The following SOX6 variants were observed in gnomAD, a reference collection of about 807,000 sequenced individuals.
The protein encoded by SOX6 is SRY-box transcription factor 6.
SOX6 carries 11 observed loss-of-function variants against 97.8 expected under a neutral mutation model. The observed-to-expected ratio is 0.11, with a 90% CI of 0.07 to 0.19. The LOEUF is 0.19. SOX6 is among the 10% of genes least tolerant of loss of function. The pLI is 1.00. For synonymous variants in SOX6, 360 were observed against 371.4 expected (o/e 0.97, Z 0.35); for missense variants, 810 against 1,039.5 (o/e 0.78, Z 3.04).
intron 6 of SOX6, among the ~76,000 whole-genome samples, chr11:16,179,859 A>G (rs1851302021): frequency 6.6e-6 from 1 of 151,932 alleles, no homozygotes; most frequent in Non-Finnish European, 1.5e-5. Flanking sequence ...AGCCACTTGA[A>G]TAACTCTAAA....
At chr11:16,084,958 GATAA>G (rs1403128149) in intron 9 of SOX6, among the ~76,000 whole-genome samples, 1 of 152,150 alleles carries the variant, frequency 6.6e-6, no homozygotes, top group African/African-American at 2.4e-5. Flanking sequence ...CAACACCATT[GATAA>G]ATGAACGGAG....
chr11:16,637,620 G>C (rs1180028775), intron 3 of SOX6, among the ~76,000 whole-genome samples: 1 of 152,142 alleles, frequency 6.6e-6, no homozygotes, highest in African/African-American at 2.4e-5. Flanking sequence ...GTAAATGATT[G>C]AACTACTATA....
rs182503311 is a variant in SOX6 at position 16,686,397 on chromosome 11, C to A, written n.429+28433G>T. 2.6e-5 allele frequency among the ~76,000 whole-genome samples: 4 copies of A among 152,316 alleles called. No homozygotes were observed. In the East Asian group the frequency reaches 7.7e-4, roughly 29 times the overall value. ...AGTAGGCCACATCTTCAACACACTG[C>A]TGCTTAGAAATTTCTTCTGCCAGAT... On this transcript the variant is annotated intron_variant and non_coding_transcript_variant, in intron 3 of 5. Transcript: ENST00000524520.
chr11:16,533,027 A>G (rs182815833), intron 4 of SOX6, among the ~76,000 whole-genome samples: 60 of 152,088 alleles, frequency 3.9e-4, no homozygotes, highest in African/African-American at 1.3e-3. Flanking sequence ...AATTTCTGAT[A>G]GAAATATTTT....
In SOX6 at chr11:15,986,344, G is replaced by A. The variant is rs1210898372; in HGVS notation, c.2043C>T (p.His681=). Residue 681 remains histidine (H), a synonymous_variant, in exon 15 of 16, where the codon CAC becomes CAT. Coordinates refer to ENST00000683767, the MANE Select transcript of SOX6 (RefSeq NM_001367873.1). ...ATTTATAGTTTGGGTACTTCTCTAA[G>A]TGGATCTTGCTTAGCCGGGCCTGCT... ...YEEQARLSKI[H]LEKYPNYKYK... The A allele has an allele frequency of 1.2e-6, 2 of 1,614,094 alleles. No homozygotes were observed. Among genetic ancestry groups the A allele is most frequent in the East Asian group, 4.5e-5 (2 of 44,874 alleles).
chr11:16,196,945 T>C (rs1427202114), intron 4 of SOX6, among the ~76,000 whole-genome samples: 1 of 150,674 alleles, frequency 6.6e-6, no homozygotes, highest in Non-Finnish European at 1.5e-5. Context: ...GTGATTCTCC[T>C]GCCTCAGCCT....
chr11:16,566,272 A>T (rs947075910), intron 4 of SOX6, among the ~76,000 whole-genome samples: 1 of 152,166 alleles, frequency 6.6e-6, no homozygotes, highest in Non-Finnish European at 1.5e-5. Context: ...GTCTTCATGA[A>T]CCTTCTGAAA....
intron 12 of SOX6, among the ~76,000 whole-genome samples, chr11:16,018,220 G>C (rs1337588662): frequency 1.3e-5 from 2 of 152,082 alleles, no homozygotes; most frequent in African/African-American, 4.8e-5. Context: ...TATTATCAGA[G>C]TCAATGACGG....
At chr11:16,110,415 A>T (rs1849199872) in intron 7 of SOX6, 1 of 152,086 alleles carries the variant, frequency 6.6e-6, no homozygotes, top group Non-Finnish European at 1.5e-5. Flanking sequence ...AAAAAAAAAA[A>T]ATTCTCTGAA....
At chr11:16,539,974 C>T (rs578217288) in intron 4 of SOX6, among the ~76,000 whole-genome samples, 1 of 152,152 alleles carries the variant, frequency 6.6e-6, no homozygotes, top group East Asian at 1.9e-4. Flanking sequence ...TTTTATGAGG[C>T]CAGCATCATC....
At chr11:16,549,173 A>T (rs1847651626) in intron 4 of SOX6, among the ~76,000 whole-genome samples, 1 of 152,096 alleles carries the variant, frequency 6.6e-6, no homozygotes, top group South Asian at 2.1e-4. Flanking sequence ...AATAACTAAA[A>T]AAAATTTTTT....
intron 3 of SOX6, among the ~76,000 whole-genome samples, chr11:16,685,812 G>A (rs1009499827): frequency 2.0e-5 from 3 of 152,254 alleles, no homozygotes; most frequent in Non-Finnish European, 4.4e-5. Flanking sequence ...CTGTACTGTT[G>A]TACCCTGCAG....
intron 1 of SOX6, among the ~76,000 whole-genome samples, chr11:16,387,194 G>C (rs1391429183): frequency 1.3e-5 from 2 of 152,132 alleles, no homozygotes; most frequent in Non-Finnish European, 2.9e-5. Context: ...TCAAAAGACT[G>C]ATTTAACTGA....
chr11:16,735,998 T>TA (rs1247326509), intron 2 of SOX6, among the ~76,000 whole-genome samples: 3 of 152,094 alleles, frequency 2.0e-5, no homozygotes, highest in African/African-American at 7.2e-5. Flanking sequence ...TGGGAAAATT[T>TA]AAAAAAATGT....
At chr11:16,505,582 G>A (rs182276469) in intron 4 of SOX6, among the ~76,000 whole-genome samples, 2 of 152,316 alleles carry the variant, frequency 1.3e-5, no homozygotes, top group Non-Finnish European at 2.9e-5. Context: ...GCAGGAATTT[G>A]CATAAGTTAA....
chr11:16,002,783 GC>G (rs1479616495), intron 13 of SOX6, among the ~76,000 whole-genome samples: 1 of 152,162 alleles, frequency 6.6e-6, no homozygotes, highest in African/African-American at 2.4e-5. Context: ...TTATTCAGCA[GC>G]TTTTGGCTTT....
At chr11:16,453,881 C>T (rs570817740) in intron 1 of SOX6, among the ~76,000 whole-genome samples, 18 of 152,092 alleles carry the variant, frequency 1.2e-4, no homozygotes, top group African/African-American at 4.3e-4. Context: ...AATTACTTAC[C>T]GCCTCATTTT....
intron 4 of SOX6, among the ~76,000 whole-genome samples, chr11:16,499,220 A>C (rs12271656): frequency 0.22 from 33,487 of 152,156 alleles, 4,188 homozygotes; most frequent in East Asian, 0.51. Context: ...TGGGTACATA[A>C]CGAAACGAAG....
At chr11:16,013,497 A>G (rs1347660231) in intron 13 of SOX6, among the ~76,000 whole-genome samples, 4 of 152,004 alleles carry the variant, frequency 2.6e-5, no homozygotes, top group Non-Finnish European at 4.4e-5. Context: ...TTAAGTGCCT[A>G]TGAAAATAAT....
Sources: allele counts gnomAD v4.1 joint callset (sites outside exome capture counted in the v4.1 genomes callset), GRCh38; gene constraint gnomAD v4.1.1; transcripts MANE v1.5; gene names NCBI Gene and HGNC (gene_info 2026-07-23, HGNC 2026-07-21).